The following TENT5D variants were observed in gnomAD, a reference collection of about 807,000 sequenced individuals.
TENT5D encodes terminal nucleotidyltransferase 5D.
For missense variants in TENT5D, 191 were observed against 287.0 expected, an observed-to-expected ratio of 0.67 and a Z score of 2.42; for synonymous variants, 103 against 100.6, an observed-to-expected ratio of 1.02 and a Z score of -0.15.
At chrX:80,343,391 CT>C (rs775221687) in intron 3 of TENT5D, among the ~76,000 whole-genome samples, 6,254 of 83,076 alleles carry the variant, frequency 0.075, 193 homozygotes, top group African/African-American at 0.13. Context: ...CATTTTATTT[CT>C]TTTTTTTTTT....
At chrX:80,385,308 A>G (rs1018780486) in intron 3 of TENT5D, among the ~76,000 whole-genome samples, 2 of 111,565 alleles carry the variant, frequency 1.8e-5, no homozygotes, top group African/African-American at 6.5e-5. Flanking sequence ...CCTGAGAAAA[A>G]CAAGAAATGG....
chrX:80,424,901 G>C (rs780666711), intron 1 of TENT5D, among the ~76,000 whole-genome samples: 33 of 112,231 alleles, frequency 2.9e-4, no homozygotes, highest in African/African-American at 1.1e-3. Flanking sequence ...CCTGTGAGTT[G>C]GGTAAACTCC....
chrX:80,391,598 A>G (rs540339535), intron 3 of TENT5D, among the ~76,000 whole-genome samples: 2 of 112,047 alleles, frequency 1.8e-5, no homozygotes, highest in African/African-American at 6.5e-5. Flanking sequence ...TATAAATGAT[A>G]TGGGAATCTG....
chrX:80,408,709 A>T (rs1411110792), intron 3 of TENT5D, among the ~76,000 whole-genome samples: 1 of 111,418 alleles, frequency 9.0e-6, no homozygotes, highest in African/African-American at 3.3e-5. Context: ...AACTATTCCA[A>T]TCAATAGAAA....
intron 2 of TENT5D, among the ~76,000 whole-genome samples, chrX:80,338,063 C>T (rs1465960008): frequency 8.9e-6 from 1 of 112,345 alleles, no homozygotes; most frequent in Non-Finnish European, 1.9e-5. Context: ...TTTCCTCTTT[C>T]ACTGTAGGCA....
intron 3 of TENT5D, among the ~76,000 whole-genome samples, chrX:80,394,581 A>C (rs1931206282): frequency 9.3e-6 from 1 of 108,106 alleles, no homozygotes; most frequent in South Asian, 4.1e-4. Flanking sequence ...TTTAGTAGAG[A>C]AGGGGTTTCT....
chrX:80,375,266 C>T (rs1316615122), intron 3 of TENT5D, among the ~76,000 whole-genome samples: 1 of 111,548 alleles, frequency 9.0e-6, no homozygotes, highest in Non-Finnish European at 1.9e-5. Flanking sequence ...GTTCTCTTAG[C>T]TGTTATACTC....
In TENT5D at chrX:80,408,778, G is replaced by T. The variant is rs780936750; in HGVS notation, c.-141-29832G>T. On this transcript the variant is annotated intron_variant, in intron 3 of 4. Coordinates refer to the TENT5D transcript ENST00000538312. ...CAAGCATCATTCTGATACCAAAGCC[G>T]GGCAGAGACACAGCCAAAAAAGAGA... 2.7e-5 allele frequency among the ~76,000 whole-genome samples: 3 copies of T among 110,950 alleles called. No homozygotes were observed. The Admixed American group carries it at 2.9e-4, about 11-fold the overall frequency.
intron 3 of TENT5D, among the ~76,000 whole-genome samples, chrX:80,361,102 G>T (rs1179725658): frequency 8.9e-6 from 1 of 111,868 alleles, no homozygotes; most frequent in Non-Finnish European, 1.9e-5. Flanking sequence ...TTGTTTAAAA[G>T]ATGCTAACCC....
intron 2 of TENT5D, among the ~76,000 whole-genome samples, chrX:80,441,502 T>A (rs1395449697): frequency 4.5e-5 from 5 of 111,364 alleles, no homozygotes; most frequent in African/African-American, 1.6e-4. Context: ...GGCTTCATAT[T>A]GTTTTTTATT....
intron 3 of TENT5D, among the ~76,000 whole-genome samples, chrX:80,357,078 A>G (rs1930299784): frequency 9.0e-6 from 1 of 111,518 alleles, no homozygotes; most frequent in Non-Finnish European, 1.9e-5. Flanking sequence ...ATGTCCCTAC[A>G]AAGGACATGA....
chrX:80,445,294 A>G (rs940379793), exon 3 of TENT5D: 3 of 122,697 alleles, frequency 2.4e-5, no homozygotes, highest in Non-Finnish European at 5.7e-5. Flanking sequence ...TTACAATAAA[A>G]TATTTAGAAA....
intron 3 of TENT5D, among the ~76,000 whole-genome samples, chrX:80,379,455 G>T (rs1054056244): frequency 5.4e-5 from 6 of 110,450 alleles, no homozygotes; most frequent in Non-Finnish European, 1.1e-4. Context: ...GGATGATGCT[G>T]GCCTCATAAA....
intron 1 of TENT5D, among the ~76,000 whole-genome samples, chrX:80,422,826 G>A (rs367743178): frequency 6.3e-5 from 7 of 111,826 alleles, no homozygotes; most frequent in South Asian, 7.5e-4. Context: ...CCCCTTCAGA[G>A]AATACTTAAT....
intron 3 of TENT5D, among the ~76,000 whole-genome samples, chrX:80,345,497 T>C (rs1023115784): frequency 5.4e-5 from 6 of 111,260 alleles, no homozygotes; most frequent in African/African-American, 1.6e-4. Context: ...AGGTGCATAT[T>C]GGAGGTGAGA....
intron 2 of TENT5D, among the ~76,000 whole-genome samples, chrX:80,336,648 C>T (rs957187363): frequency 4.6e-5 from 5 of 109,211 alleles, no homozygotes; most frequent in African/African-American, 1.7e-4. Context: ...ATTTTTTTAA[C>T]ACAGCTATTT....
upstream of TENT5D, among the ~76,000 whole-genome samples, chrX:80,418,200 A>G (rs1931813447): frequency 9.1e-6 from 1 of 109,851 alleles, no homozygotes; most frequent in Admixed American, 9.8e-5. Context: ...CCCAGGCTGG[A>G]GTGCAGTGGG....
intron 2 of TENT5D, among the ~76,000 whole-genome samples, chrX:80,337,566 G>T (rs1929875846): frequency 9.0e-6 from 1 of 111,287 alleles, no homozygotes; most frequent in Non-Finnish European, 1.9e-5. Context: ...AGGTTATTGT[G>T]CATAGGTATG....
At chrX:80,434,578 C>G (rs1278819822) in intron 1 of TENT5D, among the ~76,000 whole-genome samples, 1 of 111,212 alleles carries the variant, frequency 9.0e-6, no homozygotes, top group African/African-American at 3.3e-5. Context: ...TTAGTAGAAT[C>G]CTGGACAAGT....
Sources: gnomAD v4.1 joint callset for allele counts (sites outside exome capture counted in the v4.1 genomes callset) on GRCh38, gnomAD v4.1.1 for gene constraint, MANE v1.5 for transcripts, NCBI Gene and HGNC (gene_info 2026-07-23, HGNC 2026-07-21) for gene names.